Variants in CDH13 observed in about 807,000 individuals in gnomAD.
CDH13 encodes the protein cadherin 13, also known as cadherin-13.
A neutral mutation model predicts 63.8 loss-of-function variants in CDH13; 24 were observed. The ratio of observed to expected loss-of-function variants is 0.38; its 90% CI spans 0.27 to 0.53. CDH13 has a LOEUF of 0.53. CDH13 is among the 20% of genes least tolerant of loss of function. The probability of loss-of-function intolerance (pLI) is 0.85; values close to 1 mark genes in which losing one functional copy is unlikely to be tolerated. For synonymous variants in CDH13, 503 were observed against 355.3 expected (o/e 1.42, Z -4.67); for missense variants, 1,049 against 903.1 (o/e 1.16, Z -2.07).
chr16:82,862,973 C>G (rs1055341253), intron 2 of CDH13, among the ~76,000 whole-genome samples: 19 of 152,162 alleles, frequency 1.2e-4, no homozygotes, highest in Non-Finnish European at 2.8e-4. Context: ...ACTGCAGGTG[C>G]TTAAATACCT....
At chr16:83,214,357 A>G (rs1436100063) in intron 4 of CDH13, among the ~76,000 whole-genome samples, 1 of 151,936 alleles carries the variant, frequency 6.6e-6, no homozygotes, top group East Asian at 1.9e-4. Context: ...AGGCGGGTGG[A>G]TCACATCAGG....
chr16:83,637,279 A>T (rs1911349827), intron 8 of CDH13, among the ~76,000 whole-genome samples: 1 of 104,558 alleles, frequency 9.6e-6, no homozygotes, highest in African/African-American at 4.3e-5. Flanking sequence ...GCCGAATAGG[A>T]ACAGCTCCGG....
At chr16:83,511,629 AC>A (rs539979316) in intron 7 of CDH13, among the ~76,000 whole-genome samples, 13 of 152,336 alleles carry the variant, frequency 8.5e-5, no homozygotes, top group African/African-American at 3.1e-4. Context: ...TGCTTGTCTC[AC>A]TAAAAAGCAG....
intron 4 of CDH13, among the ~76,000 whole-genome samples, chr16:83,161,678 T>C (rs1469408250): frequency 6.6e-6 from 1 of 152,192 alleles, no homozygotes; most frequent in East Asian, 1.9e-4. Context: ...TTTATAGAGT[T>C]AAAGAATCAC....
chr16:83,491,021 G>A (rs1489486914), intron 7 of CDH13, among the ~76,000 whole-genome samples: 1 of 152,194 alleles, frequency 6.6e-6, no homozygotes, highest in Non-Finnish European at 1.5e-5. Context: ...TGGATGACCT[G>A]TGTTCCTTAA....
intron 7 of CDH13, among the ~76,000 whole-genome samples, chr16:83,582,816 C>T (rs887923961): frequency 2.6e-5 from 4 of 152,154 alleles, no homozygotes; most frequent in Admixed American, 6.5e-5. Flanking sequence ...TCCGATCAAC[C>T]GTGTTGGCCC....
chr16:83,040,649 GCCTCT>G (rs1017768537), intron 3 of CDH13, among the ~76,000 whole-genome samples: 3 of 152,156 alleles, frequency 2.0e-5, no homozygotes, highest in African/African-American at 4.8e-5. Context: ...GGGTGGGTCT[GCCTCT>G]CCCAGTCTAC....
intron 1 of CDH13, among the ~76,000 whole-genome samples, chr16:82,670,102 C>T (rs1913061485): frequency 1.3e-5 from 2 of 152,332 alleles, no homozygotes; most frequent in East Asian, 3.9e-4. Flanking sequence ...TTTCTTGAGT[C>T]ACCGAGCATA....
At chr16:83,173,740 A>G (rs529005602) in intron 4 of CDH13, among the ~76,000 whole-genome samples, 6 of 152,146 alleles carry the variant, frequency 3.9e-5, no homozygotes, top group South Asian at 2.1e-4. Context: ...GCCTCTCCCA[A>G]TCTTCTGGGC....
At chr16:82,789,330 T>C (rs1034457097) in intron 1 of CDH13, among the ~76,000 whole-genome samples, 2 of 152,178 alleles carry the variant, frequency 1.3e-5, no homozygotes, top group African/African-American at 4.8e-5. Context: ...GATTGTGAAC[T>C]CATGAAGGGA....
chr16:82,816,527 G>A (rs1173338399), intron 1 of CDH13, among the ~76,000 whole-genome samples: 1 of 152,052 alleles, frequency 6.6e-6, no homozygotes, highest in Non-Finnish European at 1.5e-5. Context: ...CCTCACTGAG[G>A]CATCAACATT....
chr16:83,208,256 C>T (rs868241651), intron 4 of CDH13, among the ~76,000 whole-genome samples: 1 of 152,132 alleles, frequency 6.6e-6, no homozygotes, highest in Non-Finnish European at 1.5e-5. Flanking sequence ...AATTTATGAC[C>T]TAGAGGTTGA....
intron 1 of CDH13, among the ~76,000 whole-genome samples, chr16:82,748,604 CAA>C (rs56083334): frequency 1.3e-5 from 2 of 151,704 alleles, no homozygotes; most frequent in African/African-American, 4.8e-5. Context: ...AAGCTGCTAA[CAA>C]AAAAATCAAA....
At chr16:82,756,668 G>C (rs2034622394) in intron 1 of CDH13, among the ~76,000 whole-genome samples, 1 of 152,122 alleles carries the variant, frequency 6.6e-6, no homozygotes, top group South Asian at 2.1e-4. Flanking sequence ...GCTACTATTA[G>C]CATTTCTCCT....
intron 7 of CDH13, among the ~76,000 whole-genome samples, chr16:83,529,033 A>C (rs1339897112): frequency 6.6e-6 from 1 of 151,988 alleles, no homozygotes; most frequent in Non-Finnish European, 1.5e-5. Context: ...AAAATCTCAG[A>C]TTAGAAGAGA....
At chr16:82,788,742 G>A (rs1261089504) in intron 1 of CDH13, among the ~76,000 whole-genome samples, 3 of 152,200 alleles carry the variant, frequency 2.0e-5, no homozygotes, top group African/African-American at 7.2e-5. Context: ...GGAACAAGGT[G>A]CTTAGAGTGC....
chr16:83,102,948 C>CTTTTTTTTTTTTTTT (rs71148813), intron 3 of CDH13, among the ~76,000 whole-genome samples: 2 of 69,028 alleles, frequency 2.9e-5, no homozygotes, highest in African/African-American at 7.0e-5. Context: ...TTTTCTTTTT[C>CTTTTTTTTTTTTTTT]TTTTTTTTTT....
intron 1 of CDH13, among the ~76,000 whole-genome samples, chr16:82,769,141 C>T (rs560552775): frequency 6.6e-6 from 1 of 152,182 alleles, no homozygotes; most frequent in African/African-American, 2.4e-5. Flanking sequence ...CTAAACAGAC[C>T]CATCATGTCA....
chr16:83,397,130 C>G (rs368772675), intron 6 of CDH13, among the ~76,000 whole-genome samples: 2 of 152,118 alleles, frequency 1.3e-5, no homozygotes, highest in African/African-American at 4.8e-5. Flanking sequence ...TGTCCCTCCT[C>G]GGCCGTGGGC....
Sources: allele counts gnomAD v4.1 joint callset (sites outside exome capture counted in the v4.1 genomes callset), GRCh38; gene constraint gnomAD v4.1.1; transcripts MANE v1.5; gene names NCBI Gene and HGNC (gene_info 2026-07-23, HGNC 2026-07-21).